ABHD5: variants seen among roughly 807,000 people sequenced by gnomAD.
ABHD5 encodes the protein abhydrolase domain containing 5, lysophosphatidic acid acyltransferase.
A neutral mutation model predicts 44.9 loss-of-function variants in ABHD5; 30 were observed. The ratio of observed to expected loss-of-function variants is 0.67; its 90% confidence interval spans 0.50 to 0.91. The LOEUF is 0.91. Among genes scored for constraint, ABHD5 ranks in the 40% least tolerant of loss-of-function variants. The pLI is 0.00. For missense variants in ABHD5, 399 were observed against 423.4 expected (o/e 0.94, Z 0.50); for synonymous variants, 167 against 147.0 (o/e 1.14, Z -0.99).
In ABHD5 at chr3:43,690,991, C is replaced by G. The variant is rs370013052; in HGVS notation, c.-2C>G. ...AGTCCCGGCGCTTGCGCGGCGGCGGCTATGGCGGCGGAGGAGGAGGAGGTG... is the reference window on the plus strand; with the variant it reads ...AGTCCCGGCGCTTGCGCGGCGGCGGGTATGGCGGCGGAGGAGGAGGAGGTG... On this transcript the variant is annotated 5_prime_UTR_variant, in exon 1 of 7. Transcript: ENST00000644371. 7.0e-6 allele frequency: 11 copies of G among 1,573,150 alleles called. No homozygotes were observed. The highest frequency in any genetic ancestry group is 9.5e-6 in the Non-Finnish European group (11 of 1,162,784).
At chr3:43,733,712 C>G (rs539544841) in intron 7 of ABHD5, among the ~76,000 whole-genome samples, 1 of 152,264 alleles carries the variant, frequency 6.6e-6, no homozygotes, top group African/African-American at 2.4e-5. Flanking sequence ...GTCCTTTACT[C>G]AAGGAGAAAA....
At chr3:43,704,036 T>G (rs2084583572) in intron 3 of ABHD5, among the ~76,000 whole-genome samples, 1 of 126,934 alleles carries the variant, frequency 7.9e-6, no homozygotes, top group East Asian at 2.2e-4. Context: ...TTATTTTCTT[T>G]TTTTTTTTTT....
intron 6 of ABHD5, among the ~76,000 whole-genome samples, chr3:43,718,160 C>G (rs1170450173): frequency 6.6e-6 from 1 of 152,162 alleles, no homozygotes; most frequent in Admixed American, 6.5e-5. Context: ...CAAGGCAGCA[C>G]ACTCTCACTT....
intron 7 of ABHD5, among the ~76,000 whole-genome samples, chr3:43,730,710 T>C (rs1171812795): frequency 6.6e-6 from 1 of 152,138 alleles, no homozygotes; most frequent in South Asian, 2.1e-4. Context: ...TCTTGCTATT[T>C]TACCCAGGCT....
downstream of ABHD5, among the ~76,000 whole-genome samples, chr3:43,727,631 CAG>C (rs1371029373): frequency 1.3e-5 from 2 of 152,132 alleles, no homozygotes; most frequent in Admixed American, 1.3e-4. Context: ...TGTTTTGAGG[CAG>C]AGTTTCGCTC....
intron 3 of ABHD5, 129 bp from the exon 4 acceptor site, chr3:43,711,580 G>T: frequency 1.0e-6 from 1 of 977,574 alleles, no homozygotes; most frequent in South Asian, 1.4e-5. Flanking sequence ...GATCTATTTA[G>T]CACTAATCTT....
At chr3:43,702,060 C>T (rs1278378091) in intron 2 of ABHD5, 155 bp from the exon 3 acceptor site, 3 of 682,882 alleles carry the variant, frequency 4.4e-6, no homozygotes, top group African/African-American at 1.8e-5. Flanking sequence ...TTATTTACTT[C>T]AATAAAATGT....
In ABHD5 at chr3:43,717,704, T is replaced by C; in HGVS notation, c.807T>C (p.Pro269=). Residue 269 remains proline (P), a synonymous_variant, in exon 6 of 7, where the codon CCT becomes CCC. Coordinates refer to ENST00000644371, the MANE Select transcript of ABHD5 (RefSeq NM_016006.6). ...CAGCTTTCAAGAATATGACTATTCC[T>C]TATGGATGGGCAAAAAGGCCAATGC... is the stretch of plus-strand genomic sequence containing the variant. The part of the protein sequence containing the change: ...GETAFKNMTI[P]YGWAKRPMLQ... 6.2e-7 allele frequency: 1 copy of C among 1,614,212 alleles called. No homozygotes were observed. The highest frequency in any genetic ancestry group is 1.3e-5 in the African/African-American group (1 of 75,056).
rs914541461 is a variant in ABHD5 at position 43,732,234 on chromosome 3, C to T, written c.*30-1646C>T. Among the ~76,000 whole-genome samples the T allele has an allele frequency of 8.5e-5, 13 of 152,064 alleles. No homozygotes were observed. In the East Asian group the frequency reaches 9.7e-4, roughly 11 times the overall value. ...TAACTTGAGATCAAGAGTTCAAGACCAGCCTGGCCAACATGATGAAACCTT... is the reference window on the plus strand; with the variant it reads ...TAACTTGAGATCAAGAGTTCAAGACTAGCCTGGCCAACATGATGAAACCTT... On this transcript the variant is annotated intron_variant, in intron 7 of 7. Coordinates refer to the ABHD5 transcript ENST00000454293.
At chr3:43,727,398 G>A (rs1281142159), downstream of ABHD5, among the ~76,000 whole-genome samples, 1 of 152,168 alleles carries the variant, frequency 6.6e-6, no homozygotes, top group Non-Finnish European at 1.5e-5. Flanking sequence ...CAGACTTTGA[G>A]AATAAGTCTT....
intron 7 of ABHD5, among the ~76,000 whole-genome samples, chr3:43,728,877 T>C (rs1219444195): frequency 6.6e-6 from 1 of 152,188 alleles, no homozygotes; most frequent in African/African-American, 2.4e-5. Flanking sequence ...TCAGAGGCCC[T>C]CCCTCAGCAT....
intron 3 of ABHD5, among the ~76,000 whole-genome samples, chr3:43,707,341 T>C (rs528347767): frequency 5.9e-5 from 9 of 152,342 alleles, no homozygotes; most frequent in African/African-American, 1.7e-4. Flanking sequence ...TTGAATACTT[T>C]TCTTTTGCCT....
At chr3:43,714,894 G>T in intron 4 of ABHD5, 53 bp from the exon 5 acceptor site, 1 of 1,285,012 alleles carries the variant, frequency 7.8e-7, no homozygotes, top group Non-Finnish European at 1.1e-6. Flanking sequence ...TTATTTAGTT[G>T]ATAAGTTAAC....
At chr3:43,692,374 A>G (rs1226235454) in intron 1 of ABHD5, among the ~76,000 whole-genome samples, 1 of 152,194 alleles carries the variant, frequency 6.6e-6, no homozygotes, top group Non-Finnish European at 1.5e-5. Flanking sequence ...TTGTGTTCTC[A>G]TCTTGTTTGT....
chr3:43,699,840 G>A (rs2084517940), intron 2 of ABHD5: 1 of 164,268 alleles, frequency 6.1e-6, no homozygotes, highest in Non-Finnish European at 1.3e-5. Context: ...TCTGCTTTCA[G>A]TCTGATGGGT....
chr3:43,726,757 A>G (rs1280886317), downstream of ABHD5, among the ~76,000 whole-genome samples: 3 of 152,334 alleles, frequency 2.0e-5, no homozygotes, highest in Non-Finnish European at 4.4e-5. Flanking sequence ...TGAGTCATCA[A>G]GGCTGCTTGT....
downstream of ABHD5, among the ~76,000 whole-genome samples, chr3:43,725,299 A>T (rs1272341326): frequency 6.6e-6 from 1 of 152,176 alleles, no homozygotes; most frequent in South Asian, 2.1e-4. Flanking sequence ...TCTCATGTGC[A>T]CCATTATATC....
In ABHD5 at chr3:43,699,465, T is replaced by C. The variant is rs1247944383; in HGVS notation, c.133+104T>C. Reference sequence around the variant, plus strand: ...GTAAGATTCTGTGGTGTGTTCATTGTTGGCAAAATAACTTTTTTCCTTTTC... The same window carrying C: ...GTAAGATTCTGTGGTGTGTTCATTGCTGGCAAAATAACTTTTTTCCTTTTC... On this transcript the variant is annotated intron_variant, in intron 2 of 6. Coordinates refer to ENST00000644371, the MANE Select transcript of ABHD5 (RefSeq NM_016006.6). 6.2e-6 allele frequency: 7 copies of C among 1,122,832 alleles called. No individual in the cohort carries two copies. The East Asian group carries it at 1.0e-4, about 16-fold the overall frequency. The allele number at this position is 1,122,832 out of a possible 1,614,324, so 69.6% of individuals were successfully genotyped here. A position where few individuals can be genotyped will look rare whatever the true frequency, so the allele number is the denominator to read the frequency against.
chr3:43,692,819 G>C (rs930636737), intron 1 of ABHD5, among the ~76,000 whole-genome samples: 1 of 152,194 alleles, frequency 6.6e-6, no homozygotes, highest in Non-Finnish European at 1.5e-5. Context: ...CCTGCTGCCT[G>C]TCACTGGAAT....
Sources: allele counts gnomAD v4.1 joint callset (sites outside exome capture counted in the v4.1 genomes callset), GRCh38; gene constraint gnomAD v4.1.1; transcripts MANE v1.5; gene names NCBI Gene and HGNC (gene_info 2026-07-23, HGNC 2026-07-21).